Variants in FHIT observed in about 807,000 individuals in gnomAD.
The protein encoded by FHIT is fragile histidine triad diadenosine triphosphatase.
FHIT carries 19 observed loss-of-function variants against 17.9 expected under a neutral mutation model. The observed-to-expected ratio is 1.06, with a 90% CI of 0.74 to 1.56. The LOEUF is 1.56. Among genes scored for constraint, FHIT ranks in the 40% most tolerant of loss-of-function variants. The pLI, the probability that FHIT is intolerant of heterozygous loss-of-function variation, is 0.00. For synonymous variants in FHIT, 81 were observed against 69.7 expected (o/e 1.16, Z -0.81); for missense variants, 248 against 189.2 (o/e 1.31, Z -1.82).
At chr3:60,102,935 G>A (rs868391937) in intron 5 of FHIT, among the ~76,000 whole-genome samples, 19 of 152,182 alleles carry the variant, frequency 1.2e-4, no homozygotes, top group African/African-American at 4.3e-4. Context: ...ATTTGCGAAG[G>A]TGCCATATGG....
At chr3:60,870,018 A>G (rs1164371992) in intron 3 of FHIT, among the ~76,000 whole-genome samples, 2 of 152,166 alleles carry the variant, frequency 1.3e-5, no homozygotes, top group Admixed American at 1.3e-4. Flanking sequence ...CTTGCAATAA[A>G]TATTGTGGGT....
intron 3 of FHIT, among the ~76,000 whole-genome samples, chr3:61,000,278 T>C (rs1438705708): frequency 6.6e-6 from 1 of 152,182 alleles, no homozygotes; most frequent in Non-Finnish European, 1.5e-5. Flanking sequence ...GAGCAGTGCA[T>C]TACAGAGTCC....
intron 2 of FHIT, among the ~76,000 whole-genome samples, chr3:61,194,890 A>T (rs1175225753): frequency 6.6e-6 from 1 of 152,082 alleles, no homozygotes; most frequent in Non-Finnish European, 1.5e-5. Context: ...AAGTATTATT[A>T]TTATAGTTCT....
chr3:60,119,240 A>G (rs1483719548), intron 5 of FHIT, among the ~76,000 whole-genome samples: 2 of 151,264 alleles, frequency 1.3e-5, no homozygotes, highest in Non-Finnish European at 2.9e-5. Flanking sequence ...TGCCCAGCTA[A>G]TTTTTTATTT....
intron 4 of FHIT, among the ~76,000 whole-genome samples, chr3:60,604,618 C>A (rs1420732649): frequency 6.6e-6 from 1 of 152,124 alleles, no homozygotes; most frequent in Non-Finnish European, 1.5e-5. Flanking sequence ...CAAATTATGT[C>A]ATTTCTTATA....
chr3:61,122,746 A>C (rs527750321), intron 2 of FHIT, among the ~76,000 whole-genome samples: 7 of 152,234 alleles, frequency 4.6e-5, no homozygotes, highest in African/African-American at 1.7e-4. Context: ...CAAACATATG[A>C]AAAAAAACCT....
intron 5 of FHIT, among the ~76,000 whole-genome samples, chr3:60,417,927 G>C (rs1260375103): frequency 1.3e-5 from 2 of 152,142 alleles, no homozygotes; most frequent in African/African-American, 4.8e-5. Context: ...AATCTCCCGA[G>C]CATTTTATGA....
intron 4 of FHIT, among the ~76,000 whole-genome samples, chr3:60,541,848 A>G (rs2036196785): frequency 6.6e-6 from 1 of 152,228 alleles, no homozygotes; most frequent in Non-Finnish European, 1.5e-5. Context: ...AGTTTCTTTC[A>G]GGATAATGGA....
intron 5 of FHIT, among the ~76,000 whole-genome samples, chr3:60,374,230 T>C (rs926955318): frequency 1.3e-5 from 2 of 152,276 alleles, no homozygotes; most frequent in Non-Finnish European, 2.9e-5. Flanking sequence ...TTATAAACAA[T>C]TCTTTCCTGA....
At chr3:60,644,528 A>G (rs1194529505) in intron 4 of FHIT, among the ~76,000 whole-genome samples, 1 of 152,260 alleles carries the variant, frequency 6.6e-6, no homozygotes, top group Non-Finnish European at 1.5e-5. Flanking sequence ...ATAAGCATAC[A>G]AATACATAAC....
At chr3:60,061,550 A>G (rs1702295950) in intron 5 of FHIT, among the ~76,000 whole-genome samples, 1 of 152,194 alleles carries the variant, frequency 6.6e-6, no homozygotes, top group Non-Finnish European at 1.5e-5. Flanking sequence ...CTGTTTTGTC[A>G]GTGAGTAATT....
intron 5 of FHIT, among the ~76,000 whole-genome samples, chr3:60,359,160 C>T (rs1576533298): frequency 6.6e-6 from 1 of 151,892 alleles, no homozygotes; most frequent in East Asian, 1.9e-4. Context: ...GAGAATTACA[C>T]AGCAGAGATT....
chr3:60,060,221 C>T (rs569393984), intron 5 of FHIT, among the ~76,000 whole-genome samples: 2 of 151,908 alleles, frequency 1.3e-5, no homozygotes, highest in African/African-American at 4.8e-5. Flanking sequence ...GAATTCCATC[C>T]TCATGTTACA....
chr3:60,984,064 G>T (rs185787243), intron 3 of FHIT, among the ~76,000 whole-genome samples: 11 of 152,298 alleles, frequency 7.2e-5, no homozygotes, highest in African/African-American at 2.4e-4. Context: ...CAGCTCCATA[G>T]CCCAGAAATC....
At chr3:60,526,131 A>AACACAGACACACACACACAC (rs1410415361) in intron 5 of FHIT, among the ~76,000 whole-genome samples, 1 of 68,136 alleles carries the variant, frequency 1.5e-5, no homozygotes. Context: ...TGAAACACAC[A>AACACAGACACACACACACAC]ACACATACAC....
chr3:60,414,384 G>C (rs1217821334), intron 5 of FHIT, among the ~76,000 whole-genome samples: 1 of 152,182 alleles, frequency 6.6e-6, no homozygotes, highest in Admixed American at 6.5e-5. Context: ...GGTTGGAAGA[G>C]TAGGCAGGGA....
chr3:60,810,330 G>A (rs1302247711), intron 4 of FHIT, among the ~76,000 whole-genome samples: 1 of 152,168 alleles, frequency 6.6e-6, no homozygotes, highest in African/African-American at 2.4e-5. Context: ...ACAATTTCTG[G>A]CTGCAGTTAA....
At chr3:60,449,191 A>C (rs1195234907) in intron 5 of FHIT, among the ~76,000 whole-genome samples, 1 of 152,138 alleles carries the variant, frequency 6.6e-6, no homozygotes, top group Non-Finnish European at 1.5e-5. Flanking sequence ...CAAGCTGCAA[A>C]TCTGCATTTC....
At chr3:60,851,964 T>A (rs1459245135) in intron 3 of FHIT, among the ~76,000 whole-genome samples, 1 of 152,146 alleles carries the variant, frequency 6.6e-6, no homozygotes, top group Admixed American at 6.5e-5. Context: ...ATGTATCAAC[T>A]TGACTGGGCC....
Sources: allele counts gnomAD v4.1 joint callset (sites outside exome capture counted in the v4.1 genomes callset), GRCh38; gene constraint gnomAD v4.1.1; transcripts MANE v1.5; gene names NCBI Gene and HGNC (gene_info 2026-07-23, HGNC 2026-07-21).